Variants in KAZN observed in about 807,000 individuals in gnomAD.
KAZN encodes the protein kazrin.
In KAZN, 40 loss-of-function variants were observed where a neutral mutation model predicts 87.4. The observed-to-expected ratio is 0.46, with a 90% confidence interval of 0.36 to 0.60. The LOEUF (loss-of-function observed/expected upper bound fraction) is 0.60, where lower values mean the gene tolerates loss of function less well. Ranked by LOEUF, KAZN falls within the 20% of genes least tolerant of loss-of-function variation. The pLI, the probability that KAZN is intolerant of heterozygous loss-of-function variation, is 0.00. For missense variants in KAZN, 898 were observed against 1,073.9 expected (o/e 0.84, Z 2.29); for synonymous variants, 466 against 458.3 (o/e 1.02, Z -0.22).
chr1:14,335,117 ACC>A (rs1557646516), intron 2 of KAZN, among the ~76,000 whole-genome samples: 1 of 120,074 alleles, frequency 8.3e-6, no homozygotes, highest in Admixed American at 8.7e-5. Flanking sequence ...CCCCCCCCCC[ACC>A]ACCCCAGTGG....
intron 1 of KAZN, among the ~76,000 whole-genome samples, chr1:14,045,115 C>G (rs10754906): frequency 0.73 from 110,753 of 152,080 alleles, 40,410 homozygotes; most frequent in Admixed American, 0.83. Flanking sequence ...GATCTTCCAG[C>G]CTCAGCCACC....
intron 2 of KAZN, among the ~76,000 whole-genome samples, chr1:14,508,445 C>T (rs1035681686): frequency 7.9e-5 from 12 of 152,050 alleles, no homozygotes; most frequent in Admixed American, 2.6e-4. Flanking sequence ...CGTTGCCACA[C>T]CAAAGTTAAA....
At chr1:14,200,005 A>G (rs1406956795) in intron 2 of KAZN, among the ~76,000 whole-genome samples, 1 of 152,034 alleles carries the variant, frequency 6.6e-6, no homozygotes, top group Non-Finnish European at 1.5e-5. Context: ...CGACTGCTTC[A>G]TTTCATTTGT....
intron 2 of KAZN, among the ~76,000 whole-genome samples, chr1:14,260,204 C>T (rs573593548): frequency 6.6e-6 from 1 of 152,244 alleles, no homozygotes; most frequent in South Asian, 2.1e-4. Context: ...AAGGAGACAG[C>T]AGTGAGCAAA....
intron 2 of KAZN, among the ~76,000 whole-genome samples, chr1:15,026,002 C>T (rs978373999): frequency 2.0e-5 from 3 of 152,008 alleles, no homozygotes; most frequent in African/African-American, 7.3e-5. Context: ...TCCGAACTCA[C>T]CTTACTCATC....
chr1:14,173,593 CTT>C (rs892180798), intron 1 of KAZN, among the ~76,000 whole-genome samples: 6 of 152,174 alleles, frequency 3.9e-5, no homozygotes, highest in African/African-American at 1.2e-4. Flanking sequence ...GCTAACCTCT[CTT>C]TTTCAGCTGG....
intron 1 of KAZN, among the ~76,000 whole-genome samples, chr1:14,752,451 T>A (rs911276208): frequency 6.6e-6 from 1 of 152,194 alleles, no homozygotes; most frequent in Non-Finnish European, 1.5e-5. Flanking sequence ...CTGGGCAATT[T>A]AGAAAACATG....
intron 1 of KAZN, among the ~76,000 whole-genome samples, chr1:13,993,113 G>A (rs1029857354): frequency 2.0e-5 from 3 of 152,070 alleles, no homozygotes; most frequent in African/African-American, 4.8e-5. Flanking sequence ...AGTGTGTGTC[G>A]TATCAAAGTC....
intron 2 of KAZN, among the ~76,000 whole-genome samples, chr1:14,337,360 A>C (rs1657342509): frequency 6.6e-6 from 1 of 152,252 alleles, no homozygotes. Context: ...GAATGGTTTT[A>C]AATGTTCTTC....
chr1:14,833,695 C>CG (rs1421406706), intron 1 of KAZN, among the ~76,000 whole-genome samples: 3 of 151,970 alleles, frequency 2.0e-5, no homozygotes, highest in African/African-American at 7.3e-5. Flanking sequence ...TACAGGTGCC[C>CG]GGGGGAAAGC....
At chr1:14,846,211 G>A (rs1648745487) in intron 1 of KAZN, among the ~76,000 whole-genome samples, 1 of 152,198 alleles carries the variant, frequency 6.6e-6, no homozygotes, top group Non-Finnish European at 1.5e-5. Context: ...GACTCAAGAT[G>A]CAAGTTGGCT....
intron 2 of KAZN, among the ~76,000 whole-genome samples, chr1:15,003,128 T>C (rs1668665763): frequency 6.6e-6 from 1 of 152,014 alleles, no homozygotes; most frequent in East Asian, 1.9e-4. Flanking sequence ...GGGGCAGAGC[T>C]GGGATTTGGA....
At chr1:14,977,844 G>A (rs532957458) in intron 2 of KAZN, among the ~76,000 whole-genome samples, 37 of 150,154 alleles carry the variant, frequency 2.5e-4, no homozygotes, top group East Asian at 3.9e-4. Context: ...ACTGTTGGCC[G>A]TTGTCTCTTA....
At chr1:14,432,245 A>G (rs570244346) in intron 2 of KAZN, among the ~76,000 whole-genome samples, 1 of 152,324 alleles carries the variant, frequency 6.6e-6, no homozygotes, top group African/African-American at 2.4e-5. Flanking sequence ...CGTGAAATTG[A>G]CTATGTAGAT....
chr1:13,905,084 T>C (rs1056931903), intron 1 of KAZN, among the ~76,000 whole-genome samples: 4 of 152,184 alleles, frequency 2.6e-5, no homozygotes, highest in African/African-American at 7.2e-5. Context: ...GAAGTTCTCA[T>C]TGAATAGTTT....
chr1:14,801,874 C>T (rs1013619286), intron 1 of KAZN, among the ~76,000 whole-genome samples: 5 of 151,784 alleles, frequency 3.3e-5, no homozygotes, highest in Admixed American at 2.0e-4. Context: ...TTAGTACAGA[C>T]GGGGTTTCAC....
chr1:13,980,171 A>G (rs1217634014), intron 1 of KAZN, among the ~76,000 whole-genome samples: 1 of 152,164 alleles, frequency 6.6e-6, no homozygotes, highest in Non-Finnish European at 1.5e-5. Flanking sequence ...AATCTAATGG[A>G]AGGAGAAAAG....
intron 1 of KAZN, among the ~76,000 whole-genome samples, chr1:14,653,407 G>C (rs1006563924): frequency 4.6e-5 from 7 of 152,214 alleles, no homozygotes; most frequent in African/African-American, 1.4e-4. Flanking sequence ...TGGGGCCCGT[G>C]GGAGACAATG....
At position 13,945,396 on chromosome 1, in the gene KAZN, C is replaced by A. The variant is rs529487053; in HGVS notation, c.91+51640C>A. ...AGCTGAGGCAGGAGAATCACTTGAA[C>A]CTGGGAGGCGGAGGTTGCAGTGAGC... is the stretch of plus-strand genomic sequence containing the variant. On this transcript the variant is annotated intron_variant, in intron 1 of 16. Transcript: ENST00000636203. Among the ~76,000 whole-genome samples, 246 of 151,344 alleles carry A rather than the reference C, an allele frequency of 1.6e-3. 3 individuals carry two copies. Among genetic ancestry groups the A allele is most frequent in the Non-Finnish European group, 2.9e-3 (199 of 67,960 alleles).
Sources: gnomAD v4.1 joint callset for allele counts (sites outside exome capture counted in the v4.1 genomes callset) on GRCh38, gnomAD v4.1.1 for gene constraint, MANE v1.5 for transcripts, NCBI Gene and HGNC (gene_info 2026-07-23, HGNC 2026-07-21) for gene names.